Variants in A1CF observed in about 807,000 individuals in gnomAD.
A1CF encodes APOBEC1 complementation factor, also known as APOBEC-1 stimulating protein.
A1CF carries 48 observed loss-of-function variants against 68.9 expected under a neutral mutation model. The observed-to-expected ratio is 0.70, with a 90% CI of 0.55 to 0.89. The LOEUF is 0.89. Ranked by LOEUF, A1CF falls within the 40% of genes least tolerant of loss-of-function variation. A1CF has a pLI of 0.00. For missense variants in A1CF, 653 were observed against 718.9 expected, an observed-to-expected ratio of 0.91 and a Z score of 1.05; for synonymous variants, 272 against 260.4, an observed-to-expected ratio of 1.04 and a Z score of -0.43.
rs1442197003 is a variant in A1CF at position 50,800,861 on chromosome 10, G to A, written c.*5868C>T. ...ATCATAATGATGAAATCAAATGCAA[G>A]GGAATTAGTGTTGGAGCAAATTTGT... On this transcript the variant is annotated 3_prime_UTR_variant, in exon 13 of 13. Transcript: ENST00000373997. 1 of 152,136 alleles carries A rather than the reference G, an allele frequency of 6.6e-6. No homozygotes were observed. Among genetic ancestry groups the A allele is most frequent in the Admixed American group, 6.6e-5 (1 of 15,266 alleles). The allele number at this position is 152,136 out of a possible 1,614,324, so 9.4% of individuals were successfully genotyped here.
chr10:50,878,103 C>A (rs1841599744), intron 1 of A1CF, among the ~76,000 whole-genome samples: 1 of 152,036 alleles, frequency 6.6e-6, no homozygotes, highest in South Asian at 2.1e-4. Context: ...GCCTGGGTGA[C>A]AGAGTGAGAC....
chr10:50,823,079 A>C (rs1838754565), intron 7 of A1CF: 1 of 152,170 alleles, frequency 6.6e-6, no homozygotes, highest in Non-Finnish European at 1.5e-5. Context: ...GATGATAATG[A>C]ATTTAGATTT....
intron 1 of A1CF, among the ~76,000 whole-genome samples, chr10:50,864,696 G>A (rs184930861): frequency 6.6e-5 from 10 of 152,074 alleles, no homozygotes; most frequent in Admixed American, 5.2e-4. Flanking sequence ...TCAGCTCACC[G>A]CAACCTCCGC....
At chr10:50,815,616 G>A (rs942775816) in intron 9 of A1CF, among the ~76,000 whole-genome samples, 5 of 152,196 alleles carry the variant, frequency 3.3e-5, no homozygotes, top group African/African-American at 1.2e-4. Flanking sequence ...GCTATTTGAG[G>A]TAATTGGTTT....
intron 1 of A1CF, among the ~76,000 whole-genome samples, chr10:50,874,101 A>G (rs1312944057): frequency 1.3e-5 from 2 of 152,150 alleles, no homozygotes; most frequent in Non-Finnish European, 1.5e-5. Context: ...ACTACATCAA[A>G]TCAGAAATCA....
chr10:50,847,992 C>A (rs1200265599), intron 3 of A1CF, among the ~76,000 whole-genome samples: 1 of 152,168 alleles, frequency 6.6e-6, no homozygotes, highest in African/African-American at 2.4e-5. Context: ...TCAGAGTTAG[C>A]TTCTGTTACT....
chr10:50,819,160 C>G (rs1838516811), intron 8 of A1CF, among the ~76,000 whole-genome samples: 1 of 152,166 alleles, frequency 6.6e-6, no homozygotes, highest in African/African-American at 2.4e-5. Context: ...GGGTCTCACT[C>G]TGTTGCCCAG....
chr10:50,883,552 A>G (rs1473268593), intron 1 of A1CF, among the ~76,000 whole-genome samples: 2 of 152,154 alleles, frequency 1.3e-5, no homozygotes, highest in African/African-American at 4.8e-5. Flanking sequence ...TTCAACTGTG[A>G]TTATTTCAAT....
chr10:50,809,357 G>C (rs1837984570), intron 12 of A1CF, among the ~76,000 whole-genome samples: 1 of 152,130 alleles, frequency 6.6e-6, no homozygotes, highest in Admixed American at 6.5e-5. Flanking sequence ...ATTAATAAAA[G>C]TAGATTGAAG....
At chr10:50,813,766 T>C (rs1290570186) in intron 10 of A1CF, 91 bp downstream of exon 10, 7 of 1,373,678 alleles carry the variant, frequency 5.1e-6, no homozygotes, top group Non-Finnish European at 7.2e-6. Flanking sequence ...ACCCATAGCT[T>C]GAGTAGGGAT....
At chr10:50,807,396 G>A (rs890049107) in intron 12 of A1CF, among the ~76,000 whole-genome samples, 1 of 152,142 alleles carries the variant, frequency 6.6e-6, no homozygotes, top group Non-Finnish European at 1.5e-5. Context: ...AGATCAGTAG[G>A]AGAAATACTG....
At chr10:50,863,733 G>A (rs12268784) in intron 2 of A1CF, among the ~76,000 whole-genome samples, 1,633 of 152,254 alleles carry the variant, frequency 0.011, 38 homozygotes, top group African/African-American at 0.037. Flanking sequence ...GAGAAAGGTA[G>A]TGGGGAGAAG....
intron 7 of A1CF, among the ~76,000 whole-genome samples, chr10:50,827,534 C>T (rs1564505307): frequency 6.6e-6 from 1 of 152,208 alleles, no homozygotes; most frequent in Non-Finnish European, 1.5e-5. Flanking sequence ...TGAATGACTA[C>T]TGAGTACACA....
At chr10:50,830,780 T>A (rs981209584) in intron 6 of A1CF, among the ~76,000 whole-genome samples, 9 of 152,126 alleles carry the variant, frequency 5.9e-5, no homozygotes, top group African/African-American at 2.2e-4. Context: ...AAAATTTGTA[T>A]GGGGCCACAA....
intron 1 of A1CF, among the ~76,000 whole-genome samples, chr10:50,880,512 G>A (rs1841720074): frequency 6.6e-6 from 1 of 152,148 alleles, no homozygotes; most frequent in Admixed American, 6.5e-5. Flanking sequence ...GGAACTCTTA[G>A]GGATCTTCGG....
At position 50,870,822 on chromosome 10, in the gene A1CF, C is replaced by A. The variant is rs114777404; in HGVS notation, c.-93-6742G>T. Among the ~76,000 whole-genome samples the A allele has an allele frequency of 8.4e-3, 1,282 of 151,768 alleles. 15 individuals are homozygous for A. The highest frequency in any genetic ancestry group is 0.029 in the African/African-American group (1,219 of 41,508). ...GAAAAATATACTACAAAGTAGAACA[C>A]TAGACCAGTATCATAGGAGTATAGA... is the stretch of plus-strand genomic sequence containing the variant. On this transcript the variant is annotated intron_variant, in intron 1 of 12. Coordinates refer to ENST00000373997, the MANE Select transcript of A1CF (RefSeq NM_014576.4).
chr10:50,802,748 A>AC lies in A1CF; in HGVS notation c.*3980dup, dbSNP rs1408703821. The AC allele has an allele frequency of 6.6e-6, 1 of 152,170 alleles. No individual in the cohort carries two copies. The highest frequency in any genetic ancestry group is 2.4e-5 in the African/African-American group (1 of 41,446). The allele number at this position is 152,170 out of a possible 1,614,324, so 9.4% of individuals were successfully genotyped here. On this transcript the variant is annotated 3_prime_UTR_variant, in exon 13 of 13. Transcript: ENST00000373997. Reference sequence around the variant, plus strand: ...ATAGGTTAGAATGCAATGAAAATTTACCCCGAATATTAACTTGATTGCCCT... The same window carrying AC: ...ATAGGTTAGAATGCAATGAAAATTTACCCCCGAATATTAACTTGATTGCCCT...
intron 2 of A1CF, chr10:50,862,945 G>A (rs1840813098): frequency 6.6e-6 from 1 of 152,152 alleles, no homozygotes; most frequent in Non-Finnish European, 1.5e-5. Context: ...GTTCTTCGCT[G>A]AACTTCATCT....
At chr10:50,847,098 C>G (rs1840037121) in intron 3 of A1CF, among the ~76,000 whole-genome samples, 1 of 152,200 alleles carries the variant, frequency 6.6e-6, no homozygotes, top group African/African-American at 2.4e-5. Flanking sequence ...CCAGTTATAA[C>G]TGCTCTTTTC....
Sources: gnomAD v4.1 joint callset for allele counts (sites outside exome capture counted in the v4.1 genomes callset) on GRCh38, gnomAD v4.1.1 for gene constraint, MANE v1.5 for transcripts, NCBI Gene and HGNC (gene_info 2026-07-23, HGNC 2026-07-21) for gene names.